TPX2: variants seen among roughly 807,000 people sequenced by gnomAD.
TPX2 encodes the protein TPX2 microtubule nucleation factor, also known as targeting protein for Xklp2.
Under a neutral mutation model 93.6 loss-of-function variants are expected in TPX2, and 21 were observed. The ratio of observed to expected loss-of-function variants is 0.22; its 90% CI spans 0.16 to 0.32. TPX2 has a LOEUF of 0.32. Ranked by LOEUF, TPX2 falls within the 10% of genes least tolerant of loss-of-function variation. TPX2 has a pLI of 1.00. For synonymous variants in TPX2, 281 were observed against 298.3 expected (o/e 0.94, Z 0.60); for missense variants, 776 against 871.1 (o/e 0.89, Z 1.37).
intron 5 of TPX2, 105 bp from the exon 6 acceptor site, chr20:31,770,238 T>C: frequency 1.3e-6 from 1 of 771,168 alleles, no homozygotes; most frequent in Non-Finnish European, 1.8e-6. Flanking sequence ...TAGCACTCCA[T>C]TTTATTGCCC....
chr20:31,772,803 A>G (rs1380257697), intron 7 of TPX2, among the ~76,000 whole-genome samples: 2 of 152,032 alleles, frequency 1.3e-5, no homozygotes, highest in Non-Finnish European at 2.9e-5. Flanking sequence ...GCTTTTCATG[A>G]TTATAAGTAC....
intron 4 of TPX2, among the ~76,000 whole-genome samples, chr20:31,765,177 G>C (rs6142551): frequency 6.6e-6 from 1 of 151,706 alleles, no homozygotes; most frequent in Non-Finnish European, 1.5e-5. Context: ...TGTTTATCAA[G>C]GCTGGGCTTG....
chr20:31,788,567 C>T (rs1377234367), intron 12 of TPX2, among the ~76,000 whole-genome samples: 2 of 152,068 alleles, frequency 1.3e-5, no homozygotes, highest in African/African-American at 2.4e-5. Context: ...GAAGCTGTTT[C>T]GTGTGTCCTT....
chr20:31,778,946 C>T lies in TPX2; in HGVS notation c.1016C>T (p.Pro339Leu), dbSNP rs1419891512. The change falls in exon 10 of 18, where the codon CCT becomes CTT. Residue 339 changes from proline to leucine, a missense_variant. This residue lies in a region of TPX2 where 461 missense variants were observed against 551.2 expected (regional missense o/e 0.84). Transcript: ENST00000300403. ...QQVEDFHKRT[P>L]NRYHLRSKKD... ...GTTGAAGACTTCCATAAACGAACCC[C>T]TAACAGATATCATTTGAGGAGCAAG... 1 of 1,605,962 alleles carries T rather than the reference C, an allele frequency of 6.2e-7. No individual in the cohort carries two copies. Among genetic ancestry groups the T allele is most frequent in the Admixed American group, 1.7e-5 (1 of 57,208 alleles).
At chr20:31,766,358 C>T (rs1292634098) in intron 4 of TPX2, among the ~76,000 whole-genome samples, 198 bp from the exon 5 acceptor site, 1 of 151,804 alleles carries the variant, frequency 6.6e-6, no homozygotes, top group East Asian at 1.9e-4. Flanking sequence ...TAGGCAAGCC[C>T]TGGATACATC....
At chr20:31,793,788 A>G (rs1269134200) in intron 13 of TPX2, 60 bp from the exon 14 acceptor site, 2 of 1,450,556 alleles carry the variant, frequency 1.4e-6, no homozygotes, top group Admixed American at 2.3e-5. Flanking sequence ...CTGACTCCAC[A>G]TTCTGGGGAA....
chr20:31,771,742 T>C (rs972925417), intron 7 of TPX2, 60 bp downstream of exon 7: 9 of 1,555,054 alleles, frequency 5.8e-6, no homozygotes, highest in South Asian at 1.3e-5. Flanking sequence ...CAGATTTACA[T>C]CTACAACCTG....
rs182794405 is a variant in TPX2 at position 31,795,504 on chromosome 20, G to C, written c.1833+956G>C. Among the ~76,000 whole-genome samples, 12 of 152,366 alleles carry C rather than the reference G, an allele frequency of 7.9e-5. 1 individual carries two copies. The East Asian group carries it at 2.1e-3, about 27-fold the overall frequency. On this transcript the variant is annotated intron_variant, in intron 15 of 17. Transcript: ENST00000300403. ...TAAAACAGGTTGCAAGCTGGATTTG[G>C]CCTGTAGGCCAGAGTTTGCTGACCC... is the stretch of plus-strand genomic sequence containing the variant.
chr20:31,768,214 G>A (rs1013127641), intron 5 of TPX2, among the ~76,000 whole-genome samples: 9 of 150,312 alleles, frequency 6.0e-5, no homozygotes, highest in East Asian at 2.0e-4. Context: ...GATTACAGGC[G>A]TGAGCCACCA....
chr20:31,776,048 GTGTTTTTTTTT>G, intron 8 of TPX2, 60 bp downstream of exon 8: 1 of 329,168 alleles, frequency 3.0e-6, no homozygotes, highest in Non-Finnish European at 4.6e-6. Context: ...CTCTTGGTAG[GTGTTTTTTTTT>G]TTTTTTTTTT....
At chr20:31,757,605 T>C (rs1020044911) in intron 3 of TPX2, 23 bp downstream of exon 3, 1 of 1,592,082 alleles carries the variant, frequency 6.3e-7, no homozygotes, top group Non-Finnish European at 8.6e-7. Flanking sequence ...TTTCTCTGGC[T>C]ATTTTAAGGA....
chr20:31,783,756 C>T lies in TPX2; in HGVS notation c.1248C>T (p.Pro416=), dbSNP rs1346829340. The change falls in exon 12 of 18, where the codon CCC becomes CCT. Residue 416 remains proline, a synonymous_variant. Transcript: ENST00000300403. ...ATCCCAGAATACTTGAAGGTGGGCC[C>T]ATCTTGCCCAAGAAACCACCTGTGA... ...ELDPRILEGG[P]ILPKKPPVKP... is the part of the protein sequence containing the mutation. 2 of 1,612,932 alleles carry T rather than the reference C, an allele frequency of 1.2e-6. No homozygotes were observed. The highest frequency in any genetic ancestry group is 1.3e-5 in the African/African-American group (1 of 74,812).
intron 17 of TPX2, among the ~76,000 whole-genome samples, 172 bp from the exon 18 acceptor site, chr20:31,800,798 A>T (rs1047599753): frequency 4.6e-5 from 7 of 152,186 alleles, no homozygotes; most frequent in African/African-American, 1.7e-4. Flanking sequence ...CAAAGCACAT[A>T]CACTTTTCCA....
intron 12 of TPX2, among the ~76,000 whole-genome samples, chr20:31,785,205 C>T (rs1291465759): frequency 2.0e-5 from 3 of 152,086 alleles, no homozygotes; most frequent in Non-Finnish European, 4.4e-5. Flanking sequence ...TTTTTCCCTG[C>T]CATGATGCAT....
chr20:31,782,881 T>TACAC (rs1360260543), intron 11 of TPX2, among the ~76,000 whole-genome samples: 2 of 94,716 alleles, frequency 2.1e-5, no homozygotes, highest in African/African-American at 8.4e-5. Context: ...GTCTTGCACA[T>TACAC]ACACACATAC....
rs992817946 is a variant in TPX2, at chr20:31,750,406, G to C, written c.-70-7001G>C. Among the ~76,000 whole-genome samples, 5 of 151,948 alleles carry C rather than the reference G, an allele frequency of 3.3e-5. No individual in the cohort carries two copies. In the East Asian group the frequency reaches 9.6e-4, roughly 29 times the overall value. On this transcript the variant is annotated intron_variant, in intron 2 of 17. Coordinates refer to ENST00000300403, the MANE Select transcript of TPX2 (RefSeq NM_012112.5). ...TGACCTCAGGCGATCCGCCCGCCTTGGCCTCCCAAAGTGCTGGGATTACAG... is the reference window on the plus strand; with the variant it reads ...TGACCTCAGGCGATCCGCCCGCCTTCGCCTCCCAAAGTGCTGGGATTACAG...
chr20:31,756,017 T>TA (rs1360257640), intron 2 of TPX2, among the ~76,000 whole-genome samples: 2 of 152,340 alleles, frequency 1.3e-5, no homozygotes, highest in South Asian at 4.1e-4. Flanking sequence ...TTGTGACTCT[T>TA]ACGTGTATTT....
intron 16 of TPX2, 50 bp downstream of exon 16, chr20:31,797,565 C>T: frequency 1.3e-6 from 2 of 1,505,794 alleles, no homozygotes; most frequent in Non-Finnish European, 1.8e-6. Context: ...GTCAGACTTC[C>T]CAGTGGGATG....
chr20:31,755,613 A>ACCC (rs1335256344), intron 2 of TPX2, among the ~76,000 whole-genome samples: 3 of 152,010 alleles, frequency 2.0e-5, no homozygotes, highest in African/African-American at 7.2e-5. Context: ...AAAACAAAAA[A>ACCC]TTAGCAAGGT....
Sources: gnomAD v4.1 joint callset for allele counts (sites outside exome capture counted in the v4.1 genomes callset) on GRCh38, gnomAD v4.1.1 for gene constraint, gnomAD v4.1.1 regional missense constraint, MANE v1.5 for transcripts, NCBI Gene and HGNC (gene_info 2026-07-23, HGNC 2026-07-21) for gene names.